The following ABLIM3 variants were observed in gnomAD, a reference collection of about 807,000 sequenced individuals.
The protein encoded by ABLIM3 is actin binding LIM protein family member 3, also known as actin-binding LIM protein 3.
A neutral mutation model predicts 109.5 loss-of-function variants in ABLIM3; 61 were observed. That is an observed-to-expected ratio of 0.56 (90% confidence interval 0.45 to 0.69). The LOEUF (loss-of-function observed/expected upper bound fraction) is 0.69, where lower values mean the gene tolerates loss of function less well. ABLIM3 is among the 30% of genes least tolerant of loss of function. The pLI is 0.00. For missense variants in ABLIM3, 796 were observed against 889.5 expected (o/e 0.89, Z 1.34); for synonymous variants, 300 against 324.8 (o/e 0.92, Z 0.82).
chr5:149,257,112 C>T (rs1360869145), intron 23 of ABLIM3, among the ~76,000 whole-genome samples: 1 of 152,162 alleles, frequency 6.6e-6, no homozygotes, highest in Non-Finnish European at 1.5e-5. Flanking sequence ...CAAGACCAGC[C>T]TAGGGAACAT....
intron 10 of ABLIM3, among the ~76,000 whole-genome samples, chr5:149,235,197 C>G (rs1041857029): frequency 1.3e-5 from 2 of 152,120 alleles, no homozygotes; most frequent in Non-Finnish European, 2.9e-5. Flanking sequence ...TCATAGAAGC[C>G]CTGTTTTCAG....
intron 2 of ABLIM3, among the ~76,000 whole-genome samples, chr5:149,144,971 A>C (rs1406131373): frequency 6.6e-6 from 1 of 152,176 alleles, no homozygotes; most frequent in Non-Finnish European, 1.5e-5. Context: ...AATTCTGCAA[A>C]TACTGTATTT....
intron 9 of ABLIM3, among the ~76,000 whole-genome samples, chr5:149,232,092 G>A (rs1441809508): frequency 6.6e-6 from 1 of 152,180 alleles, no homozygotes; most frequent in Non-Finnish European, 1.5e-5. Flanking sequence ...AATCACTTGA[G>A]GTCAGTAGTT....
intron 2 of ABLIM3, among the ~76,000 whole-genome samples, chr5:149,143,079 A>G (rs1181369271): frequency 6.6e-6 from 1 of 152,084 alleles, no homozygotes; most frequent in African/African-American, 2.4e-5. Context: ...AAAGCCTTCT[A>G]ATCGGCCAGG....
At chr5:149,221,142 A>G (rs1760610123) in intron 8 of ABLIM3, among the ~76,000 whole-genome samples, 1 of 152,210 alleles carries the variant, frequency 6.6e-6, no homozygotes, top group South Asian at 2.1e-4. Context: ...GAGGCTGAAA[A>G]GGGCAGGAAG....
intron 7 of ABLIM3, among the ~76,000 whole-genome samples, chr5:149,213,259 C>CTGACACCAGGATTTCCAAGACAGAGGA (rs1475524558): frequency 2.0e-5 from 3 of 152,114 alleles, no homozygotes; most frequent in African/African-American, 7.2e-5. Context: ...GGAAAGAGAG[C>CTGACACCAGGATTTCCAAGACAGAGGA]AAGGAAGGAG....
intron 5 of ABLIM3, 138 bp from the exon 6 acceptor site, chr5:149,206,870 T>TG: frequency 9.0e-7 from 1 of 1,108,454 alleles, no homozygotes; most frequent in Non-Finnish European, 1.2e-6. Flanking sequence ...GGAGAGCCTC[T>TG]GGGAAGCTTC....
intron 23 of ABLIM3, among the ~76,000 whole-genome samples, chr5:149,256,251 AT>A (rs1217067619): frequency 6.6e-6 from 1 of 152,156 alleles, no homozygotes; most frequent in East Asian, 1.9e-4. Context: ...CATAACAAAG[AT>A]TTTTTAACAT....
At chr5:149,240,377 T>C (rs1288196508) in intron 13 of ABLIM3, 1 of 467,126 alleles carries the variant, frequency 2.1e-6, no homozygotes, top group Admixed American at 3.4e-5. Context: ...TCAAGGATGG[T>C]TGGGGAGATA....
Position 149,198,459 on chromosome 5 carries a change from A to G in ABLIM3, c.335+57A>G. On this transcript the variant is annotated intron_variant, in intron 4 of 23. Transcript: ENST00000309868. This position sits in a 1 kb window ranked among gnomAD's most constrained non-coding sequence, Gnocchi z 4.2. ...TCTGCATAAGCCCCCGGGGCAGGGG[A>G]AGACCTGGCTTTTTCCAGGAAGTTC... 1 of 1,512,408 alleles carries G rather than the reference A, an allele frequency of 6.6e-7. No homozygotes were observed. Among genetic ancestry groups the G allele is most frequent in the South Asian group, 1.3e-5 (1 of 74,176 alleles). 93.7% of individuals were successfully genotyped at this position (1,512,408 alleles called of 1,614,324 possible).
rs1446749731 is a variant in ABLIM3, at chr5:149,208,526, C to T, written c.575+1392C>T. On this transcript the variant is annotated intron_variant, in intron 6 of 23. Transcript: ENST00000309868. ...AAGTGCTAGCAAAGAAGATTGCCAA[C>T]ACTCCAGGCTTCCATACCAAGCCTA... Among the ~76,000 whole-genome samples the T allele has an allele frequency of 1.3e-4, 20 of 152,162 alleles. 1 individual carries two copies. The highest frequency in any genetic ancestry group is 1.2e-3 in the Admixed American group (19 of 15,270).
intron 8 of ABLIM3, among the ~76,000 whole-genome samples, chr5:149,222,434 A>G (rs919549392): frequency 4.0e-4 from 61 of 152,168 alleles, no homozygotes; most frequent in African/African-American, 1.3e-3. Flanking sequence ...TTTGAACTCT[A>G]TGAGTCTTCT....
At chr5:149,252,236 T>C (rs762227583) in intron 22 of ABLIM3, 28 bp downstream of exon 22, 2 of 1,609,076 alleles carry the variant, frequency 1.2e-6, no homozygotes, top group African/African-American at 2.7e-5. Context: ...ACCCTGGGGG[T>C]CTCCAGGATT....
At chr5:149,191,868 AT>A (rs1339224835) in intron 3 of ABLIM3, among the ~76,000 whole-genome samples, 1 of 152,082 alleles carries the variant, frequency 6.6e-6, no homozygotes, top group Non-Finnish European at 1.5e-5. Flanking sequence ...TTTTATTTTT[AT>A]TTTTTTGAGA....
chr5:149,170,428 G>T (rs996069679), intron 2 of ABLIM3, among the ~76,000 whole-genome samples: 1 of 152,106 alleles, frequency 6.6e-6, no homozygotes, highest in Non-Finnish European at 1.5e-5. Flanking sequence ...TCATATGCCT[G>T]CCAATCATAC....
chr5:149,214,374 C>G (rs1759843317), intron 7 of ABLIM3, among the ~76,000 whole-genome samples: 1 of 152,176 alleles, frequency 6.6e-6, no homozygotes, highest in Admixed American at 6.5e-5. Flanking sequence ...TTGCCCCAGG[C>G]TTAGATTCTA....
At chr5:149,217,715 T>A (rs1185800837) in intron 8 of ABLIM3, 2 of 152,414 alleles carry the variant, frequency 1.3e-5, no homozygotes, top group Non-Finnish European at 2.9e-5. Context: ...AGCCCCTCCC[T>A]GTCTGCCTAT....
At chr5:149,208,257 A>G (rs764788927) in intron 6 of ABLIM3, among the ~76,000 whole-genome samples, 4 of 152,270 alleles carry the variant, frequency 2.6e-5, no homozygotes, top group Non-Finnish European at 5.9e-5. Flanking sequence ...TGGGAAGGCC[A>G]GAGGCACACT....
chr5:149,197,389 C>T (rs939461121), intron 3 of ABLIM3, among the ~76,000 whole-genome samples: 1 of 152,192 alleles, frequency 6.6e-6, no homozygotes, highest in African/African-American at 2.4e-5. Context: ...TTGCAACTGA[C>T]AAGGCTTCCT....
Sources: gnomAD v4.1 joint callset for allele counts (sites outside exome capture counted in the v4.1 genomes callset) on GRCh38, gnomAD v4.1.1 for gene constraint, Gnocchi (gnomAD v3.1) non-coding constraint, MANE v1.5 for transcripts, NCBI Gene and HGNC (gene_info 2026-07-23, HGNC 2026-07-21) for gene names.